Variants in RFX3 observed in about 807,000 individuals in gnomAD.
The protein encoded by RFX3 is transcription factor RFX3.
Under a neutral mutation model 98.6 loss-of-function variants are expected in RFX3, and 14 were observed. That is an observed-to-expected ratio of 0.14 (90% confidence interval 0.09 to 0.22). The LOEUF (loss-of-function observed/expected upper bound fraction) is 0.22, where lower values mean the gene tolerates loss of function less well. Among genes scored for constraint, RFX3 ranks in the 10% least tolerant of loss-of-function variants. RFX3 has a pLI of 1.00. For missense variants in RFX3, 639 were observed against 926.9 expected (o/e 0.69, Z 4.03); for synonymous variants, 383 against 328.4 (o/e 1.17, Z -1.80).
intron 4 of RFX3, among the ~76,000 whole-genome samples, chr9:3,311,985 T>G (rs2130488341): frequency 6.6e-6 from 1 of 152,210 alleles, no homozygotes; most frequent in African/African-American, 2.4e-5. Context: ...TGCTCTAACC[T>G]CCTGTTTCAT....
chr9:3,313,138 T>C (rs768009180), intron 4 of RFX3, among the ~76,000 whole-genome samples: 3 of 152,118 alleles, frequency 2.0e-5, no homozygotes, highest in African/African-American at 4.8e-5. Context: ...TGACACCTCA[T>C]ACAGCCAGGT....
At chr9:3,349,178 C>T (rs909217055) in intron 2 of RFX3, among the ~76,000 whole-genome samples, 5 of 151,684 alleles carry the variant, frequency 3.3e-5, no homozygotes, top group Non-Finnish European at 4.4e-5. Flanking sequence ...TCCATCTTTG[C>T]TCTTATGGTA....
At chr9:3,413,334 A>T (rs1045124536) in intron 1 of RFX3, among the ~76,000 whole-genome samples, 3 of 152,148 alleles carry the variant, frequency 2.0e-5, no homozygotes, top group African/African-American at 7.2e-5. Flanking sequence ...CTTAATAAAC[A>T]ATTCATAATT....
intron 1 of RFX3, among the ~76,000 whole-genome samples, 198 bp downstream of exon 1, chr9:3,525,549 C>T (rs950963806): frequency 1.1e-4 from 16 of 151,996 alleles, no homozygotes; most frequent in African/African-American, 3.9e-4. Flanking sequence ...CCAGCCGCGG[C>T]GCGCAGGGTC....
chr9:3,361,719 G>A, intron 2 of RFX3, among the ~76,000 whole-genome samples: 1 of 151,046 alleles, frequency 6.6e-6, no homozygotes, highest in Admixed American at 6.6e-5. Flanking sequence ...AGGCCAAGAT[G>A]GGTGGATTAC....
rs1477312904 is a variant in RFX3, at chr9:3,341,317, A to G, written c.215+5350T>C. Among the ~76,000 whole-genome samples the G allele has an allele frequency of 9.2e-5, 14 of 152,148 alleles. No homozygotes were observed. In the East Asian group the frequency reaches 2.7e-3, roughly 29 times the overall value. On this transcript the variant is annotated intron_variant, in intron 3 of 16. Transcript: ENST00000617270. ...ATACCTAATGCTAAATGACGAGTTA[A>G]TGGGTGCAGCACACCAGCATGGCAC...
chr9:3,336,717 T>C (rs142763232), intron 3 of RFX3, among the ~76,000 whole-genome samples: 3 of 152,258 alleles, frequency 2.0e-5, no homozygotes, highest in South Asian at 2.1e-4. Context: ...TAAACATGCA[T>C]GCAGTGTAAA....
chr9:3,444,402 G>A (rs2132734848), intron 1 of RFX3, among the ~76,000 whole-genome samples: 1 of 152,140 alleles, frequency 6.6e-6, no homozygotes, highest in East Asian at 1.9e-4. Context: ...AAAATTGCAA[G>A]GGTAGGGAGG....
chr9:3,330,291 C>G lies in RFX3; in HGVS notation c.442G>C (p.Val148Leu), dbSNP rs770354173. ...GGGGAGGCCCGAGTTGTGTGTGTCA[C>G]TGAGTGACCAGAATTCTCCATTGAG... ...GNSMENSGHS[V>L]THTTRASPAT... The change falls in exon 4 of 17, where the codon GTG (valine) becomes CTG (leucine). Residue 148 changes from valine to leucine, a missense_variant. Physicochemically the swap from Val to Leu is conservative, Grantham distance 32 (BLOSUM62 1). This residue lies in a region of RFX3 where 210 missense variants were observed against 197.7 expected (regional missense o/e 1.06). Transcript: ENST00000617270. The G allele has an allele frequency of 6.2e-6, 10 of 1,613,958 alleles. No homozygotes were observed. The highest frequency in any genetic ancestry group is 4.5e-5 in the East Asian group (2 of 44,872).
chr9:3,416,667 C>A (rs115048969), intron 1 of RFX3, among the ~76,000 whole-genome samples: 222 of 152,210 alleles, frequency 1.5e-3, no homozygotes, highest in African/African-American at 5.2e-3. Flanking sequence ...TTTGAAGGTA[C>A]ACTGTGATAA....
chr9:3,363,468 C>T (rs1297863576), intron 2 of RFX3, among the ~76,000 whole-genome samples: 3 of 152,126 alleles, frequency 2.0e-5, no homozygotes, highest in Non-Finnish European at 4.4e-5. Flanking sequence ...ATAAAGATGT[C>T]GGTTCTTTCA....
At chr9:3,504,946 TATA>T (rs1816741113) in intron 1 of RFX3, among the ~76,000 whole-genome samples, 1 of 64,862 alleles carries the variant, frequency 1.5e-5, no homozygotes, top group Non-Finnish European at 2.4e-5. Context: ...ATATATATAA[TATA>T]ATATATATTA....
At chr9:3,428,524 A>G (rs1158574112) in intron 1 of RFX3, among the ~76,000 whole-genome samples, 2 of 152,212 alleles carry the variant, frequency 1.3e-5, no homozygotes, top group Non-Finnish European at 1.5e-5. Context: ...AATATCAGCA[A>G]TACTCTGCTA....
At chr9:3,506,756 T>C (rs1019326552) in intron 1 of RFX3, among the ~76,000 whole-genome samples, 2 of 151,512 alleles carry the variant, frequency 1.3e-5, no homozygotes, top group Admixed American at 1.3e-4. Flanking sequence ...TTTGAAAAGG[T>C]AAGAAGAAAA....
intron 4 of RFX3, among the ~76,000 whole-genome samples, chr9:3,326,768 G>A (rs1386656144): frequency 6.6e-6 from 1 of 152,110 alleles, no homozygotes; most frequent in Admixed American, 6.6e-5. Flanking sequence ...ACTATTCTAA[G>A]GACTGGAGCA....
intron 2 of RFX3, among the ~76,000 whole-genome samples, chr9:3,385,633 A>G (rs1211573630): frequency 2.0e-5 from 3 of 150,906 alleles, no homozygotes; most frequent in Admixed American, 1.3e-4. Flanking sequence ...ACTTGAACCC[A>G]GGAGGCAGAG....
chr9:3,440,367 C>G (rs1017622384), intron 1 of RFX3, among the ~76,000 whole-genome samples: 4 of 151,976 alleles, frequency 2.6e-5, no homozygotes, highest in Non-Finnish European at 5.9e-5. Context: ...TATAAAATCA[C>G]TACAAGAACT....
chr9:3,415,184 CACATACTCATATATATATATATAT>C lies in RFX3; in HGVS notation c.-8-19612_-8-19589del, dbSNP rs1842880672. Among the ~76,000 whole-genome samples, 13 of 129,166 alleles carry C rather than the reference CACATACTCATATATATATATATAT, an allele frequency of 1.0e-4. 1 individual carries two copies. The South Asian group carries it at 2.8e-3, about 28-fold the overall frequency. The allele number at this position is 129,166 out of a possible 152,430, so 84.7% of individuals were successfully genotyped here. A position where few individuals can be genotyped will look rare whatever the true frequency, so the allele number is the denominator to read the frequency against. On this transcript the variant is annotated intron_variant, in intron 1 of 16. Transcript: ENST00000617270. ...ATATATATATACTTATATATATATA[CACATACTCATATATATATATATAT>C]ACATACTCATATATATATATATAAG... is the stretch of plus-strand genomic sequence containing the variant.
chr9:3,238,345 ATCAAGCCATTTATGAT>A (rs1819460107), intron 15 of RFX3, among the ~76,000 whole-genome samples: 2 of 152,178 alleles, frequency 1.3e-5, no homozygotes, highest in Non-Finnish European at 2.9e-5. Flanking sequence ...TTATGCACTG[ATCAAGCCATTTATGAT>A]TCAAGCCAGC....
Sources: gnomAD v4.1 joint callset for allele counts (sites outside exome capture counted in the v4.1 genomes callset) on GRCh38, gnomAD v4.1.1 for gene constraint, gnomAD v4.1.1 regional missense constraint, MANE v1.5 for transcripts, NCBI Gene and HGNC (gene_info 2026-07-23, HGNC 2026-07-21) for gene names.